Variants in SLC9C1 observed in about 807,000 individuals in gnomAD.
SLC9C1 encodes the protein sodium/hydrogen exchanger 10.
Under a neutral mutation model 140.9 loss-of-function variants are expected in SLC9C1, and 97 were observed. The ratio of observed to expected loss-of-function variants is 0.69; its 90% CI spans 0.58 to 0.82. SLC9C1 has a LOEUF of 0.82. Ranked by LOEUF, SLC9C1 falls within the 40% of genes least tolerant of loss-of-function variation. The pLI is 0.00. For synonymous variants in SLC9C1, 440 were observed against 442.6 expected (o/e 0.99, Z 0.07); for missense variants, 1,340 against 1,389.3 (o/e 0.96, Z 0.56).
At chr3:112,256,200 G>A (rs2079602199) in intron 10 of SLC9C1, among the ~76,000 whole-genome samples, 2 of 152,124 alleles carry the variant, frequency 1.3e-5, no homozygotes, top group South Asian at 4.1e-4. Context: ...AAATGGAGAA[G>A]GAAAAACTCC....
intron 23 of SLC9C1, 75 bp from the exon 24 acceptor site, chr3:112,169,403 G>A (rs1182342172): frequency 1.3e-5 from 18 of 1,399,460 alleles, no homozygotes; most frequent in Middle Eastern, 2.4e-4. Flanking sequence ...TTTTGTTTAT[G>A]TACACTATTA....
chr3:112,271,917 C>A (rs1438119117), intron 6 of SLC9C1, among the ~76,000 whole-genome samples: 2 of 152,082 alleles, frequency 1.3e-5, no homozygotes, highest in African/African-American at 4.8e-5. Context: ...TTTTTTTGTG[C>A]TTCTCTGTAC....
chr3:112,212,776 C>G (rs1050645300), intron 15 of SLC9C1, among the ~76,000 whole-genome samples: 4 of 152,210 alleles, frequency 2.6e-5, no homozygotes, highest in Non-Finnish European at 4.4e-5. Context: ...AGTTGGAAAA[C>G]ACTCTGCAGG....
chr3:112,223,941 G>A (rs917148458), intron 13 of SLC9C1, among the ~76,000 whole-genome samples: 5 of 152,166 alleles, frequency 3.3e-5, no homozygotes, highest in Non-Finnish European at 5.9e-5. Flanking sequence ...GCAGCAAAAT[G>A]TCAAGTGAGC....
At chr3:112,185,608 C>G (rs992883005) in intron 20 of SLC9C1, 9 of 1,596,084 alleles carry the variant, frequency 5.6e-6, no homozygotes, top group Non-Finnish European at 7.7e-6. Flanking sequence ...CCGAAGCCCT[C>G]TCTCCCAAGG....
chr3:112,151,060 A>G (rs1560004007), intron 28 of SLC9C1, among the ~76,000 whole-genome samples: 2 of 150,800 alleles, frequency 1.3e-5, no homozygotes, highest in Admixed American at 1.3e-4. Context: ...CTGGTCTTGA[A>G]CTCCTGACCT....
chr3:112,217,085 C>G (rs1427675796), intron 15 of SLC9C1, among the ~76,000 whole-genome samples: 1 of 152,078 alleles, frequency 6.6e-6, no homozygotes, highest in African/African-American at 2.4e-5. Flanking sequence ...AACCATCATT[C>G]TCAGCAAACT....
intron 16 of SLC9C1, among the ~76,000 whole-genome samples, chr3:112,205,747 TG>T (rs1396308791): frequency 7.1e-6 from 1 of 141,584 alleles, no homozygotes; most frequent in East Asian, 2.1e-4. Context: ...AAACAAGCAA[TG>T]GGGAAAGGAT....
intron 28 of SLC9C1, among the ~76,000 whole-genome samples, chr3:112,150,054 C>T (rs137912538): frequency 1.3e-5 from 2 of 152,170 alleles, no homozygotes; most frequent in South Asian, 2.1e-4. Flanking sequence ...CAGTTTTCCT[C>T]CTACCCCAGA....
At chr3:112,214,207 C>T (rs1015273768) in intron 15 of SLC9C1, among the ~76,000 whole-genome samples, 1 of 152,194 alleles carries the variant, frequency 6.6e-6, no homozygotes, top group Non-Finnish European at 1.5e-5. Flanking sequence ...ACATTTAAAG[C>T]AGTGTGTAGA....
intron 23 of SLC9C1, among the ~76,000 whole-genome samples, chr3:112,175,182 C>T (rs2087768): frequency 0.3 from 45,473 of 152,162 alleles, 7,012 homozygotes; most frequent in East Asian, 0.35. Context: ...ATGTAATAGT[C>T]TGGCCACTTT....
chr3:112,211,793 G>A (rs945465400), intron 15 of SLC9C1, among the ~76,000 whole-genome samples: 68 of 152,306 alleles, frequency 4.5e-4, no homozygotes, highest in African/African-American at 1.5e-3. Context: ...GGGCATAGCC[G>A]AACAAAAGGC....
intron 10 of SLC9C1, among the ~76,000 whole-genome samples, chr3:112,261,711 G>A (rs6796949): frequency 6.6e-6 from 1 of 151,782 alleles, no homozygotes; most frequent in Non-Finnish European, 1.5e-5. Flanking sequence ...AAAACACTAC[G>A]GCAAAGTATA....
intron 20 of SLC9C1, among the ~76,000 whole-genome samples, chr3:112,191,656 C>A (rs2077664351): frequency 1.3e-5 from 2 of 152,040 alleles, no homozygotes; most frequent in Admixed American, 1.3e-4. Flanking sequence ...CTATAATTTT[C>A]TTGTCCTTAT....
chr3:112,197,378 C>T (rs1401699518), intron 20 of SLC9C1, among the ~76,000 whole-genome samples: 1 of 152,104 alleles, frequency 6.6e-6, no homozygotes, highest in Non-Finnish European at 1.5e-5. Context: ...TTTGCCTTCT[C>T]TGATTAGAAA....
rs780362277 is a variant in SLC9C1 at position 112,179,731 on chromosome 3, C to T, written c.2749-30G>A. The stretch of plus-strand genomic sequence containing the variant: ...TCAGGAACAAAGAAAGAGAAAAATA[C>T]ATATGCCAGTTAACTTGTATTACCA... On this transcript the variant is annotated intron_variant, in intron 22 of 28. Coordinates refer to ENST00000305815, the MANE Select transcript of SLC9C1 (RefSeq NM_183061.3). 9 of 1,542,174 alleles carry T rather than the reference C, an allele frequency of 5.8e-6. No individual in the cohort carries two copies. In the South Asian group the frequency reaches 1.2e-4, roughly 20 times the overall value.
At chr3:112,207,024 A>G (rs4577433) in intron 16 of SLC9C1, among the ~76,000 whole-genome samples, 69,074 of 151,958 alleles carry the variant, frequency 0.45, 16,193 homozygotes, top group East Asian at 0.63. Context: ...TAGACATGTT[A>G]AAGTATATAT....
chr3:112,208,118 G>A, intron 16 of SLC9C1, 60 bp downstream of exon 16: 1 of 1,317,454 alleles, frequency 7.6e-7, no homozygotes, highest in South Asian at 1.7e-5. Context: ...GAAAAACAAG[G>A]CTAGGAAATC....
chr3:112,145,014 GT>G (rs1386249663), intron 28 of SLC9C1, among the ~76,000 whole-genome samples: 1 of 152,054 alleles, frequency 6.6e-6, no homozygotes, highest in East Asian at 1.9e-4. Flanking sequence ...TCCTTTTCTT[GT>G]TCCAGTTCTC....
Sources: gnomAD v4.1 joint callset for allele counts (sites outside exome capture counted in the v4.1 genomes callset) on GRCh38, gnomAD v4.1.1 for gene constraint, MANE v1.5 for transcripts, NCBI Gene and HGNC (gene_info 2026-07-23, HGNC 2026-07-21) for gene names.